Variants in PHF21B observed in about 807,000 individuals in gnomAD.
PHF21B encodes PHD finger protein 21B.
Under a neutral mutation model 62.2 loss-of-function variants are expected in PHF21B, and 22 were observed. That is an observed-to-expected ratio of 0.35 (90% CI 0.25 to 0.51). PHF21B has a LOEUF of 0.51. Ranked by LOEUF, PHF21B falls within the 20% of genes least tolerant of loss-of-function variation. The probability of loss-of-function intolerance (pLI) is 0.97; values close to 1 mark genes in which losing one functional copy is unlikely to be tolerated. For missense variants in PHF21B, 701 were observed against 707.9 expected, an observed-to-expected ratio of 0.99 and a Z score of 0.11; for synonymous variants, 341 against 314.7, an observed-to-expected ratio of 1.08 and a Z score of -0.88.
intron 6 of PHF21B, 112 bp from the exon 7 acceptor site, chr22:44,893,645 G>A: frequency 9.6e-7 from 1 of 1,043,780 alleles, no homozygotes. Context: ...AAGCCTCTCT[G>A]TGTGCTCAGC....
intron 2 of PHF21B, among the ~76,000 whole-genome samples, chr22:44,977,016 A>T (rs528017941): frequency 6.6e-6 from 1 of 152,216 alleles, no homozygotes; most frequent in Admixed American, 6.5e-5. Context: ...AGTCCCTGCT[A>T]TTAATACTAG....
At chr22:44,958,273 T>TCC (rs2072342939) in intron 2 of PHF21B, among the ~76,000 whole-genome samples, 1 of 152,094 alleles carries the variant, frequency 6.6e-6, no homozygotes, top group Non-Finnish European at 1.5e-5. Flanking sequence ...TCCCTGACTC[T>TCC]CTCCCTACAC....
chr22:44,953,999 G>A (rs896061360), intron 2 of PHF21B, among the ~76,000 whole-genome samples: 5 of 152,096 alleles, frequency 3.3e-5, no homozygotes, highest in East Asian at 1.9e-4. Context: ...CCACCCCACC[G>A]GGCTCTTCCT....
At chr22:44,978,073 A>G (rs1424662782) in intron 2 of PHF21B, among the ~76,000 whole-genome samples, 1 of 152,098 alleles carries the variant, frequency 6.6e-6, no homozygotes, top group African/African-American at 2.4e-5. Context: ...TGGTGGCCAC[A>G]TTCTGTTGTA....
At position 44,945,724 on chromosome 22, in the gene PHF21B, G is replaced by A. The variant is rs558316249; in HGVS notation, c.121-25234C>T. 2.9e-4 allele frequency among the ~76,000 whole-genome samples: 10 copies of A among 34,228 alleles called. No individual in the cohort carries two copies. In the South Asian group the frequency reaches 6.1e-3, roughly 21 times the overall value. The allele number at this position is 34,228 out of a possible 152,430, so 22.5% of individuals were successfully genotyped here. ...AATACTGTTGGCAGAATTGGGGGGG[G>A]GGTGGTATAAAGCAGTCCTGCTTAC... On this transcript the variant is annotated intron_variant, in intron 2 of 12. Coordinates refer to ENST00000313237, the MANE Select transcript of PHF21B (RefSeq NM_138415.5).
chr22:44,959,994 A>T (rs1413279429), intron 2 of PHF21B, among the ~76,000 whole-genome samples: 1 of 152,188 alleles, frequency 6.6e-6, no homozygotes. Context: ...CACCCCAGAG[A>T]GCGGGCCCTC....
intron 4 of PHF21B, 113 bp from the exon 5 acceptor site, chr22:44,914,201 A>G (rs935126707): frequency 3.5e-6 from 2 of 570,518 alleles, no homozygotes; most frequent in Non-Finnish European, 3.1e-6. Context: ...GGGCCAGGCC[A>G]ACCTGGGAGG....
At chr22:44,917,166 CAGAGGGCAGCCGG>C (rs2071452597) in intron 3 of PHF21B, among the ~76,000 whole-genome samples, 2 of 152,332 alleles carry the variant, frequency 1.3e-5, no homozygotes, top group African/African-American at 2.4e-5. Context: ...TGAAGGTGTG[CAGAGGGCAGCCGG>C]GCAGCCACTG....
chr22:44,885,633 T>TC (rs1329633689), intron 11 of PHF21B, 104 bp from the exon 12 acceptor site: 11 of 1,207,026 alleles, frequency 9.1e-6, no homozygotes, highest in Non-Finnish European at 1.3e-5. Context: ...GCCTAGGACA[T>TC]CCCCCTGAAG....
At position 44,929,279 on chromosome 22, in the gene PHF21B, G is replaced by A. The variant is rs367558884; in HGVS notation, c.121-8789C>T. Among the ~76,000 whole-genome samples, 10 of 152,280 alleles carry A rather than the reference G, an allele frequency of 6.6e-5. No homozygotes were observed. In the East Asian group the frequency reaches 1.2e-3, roughly 18 times the overall value. ...GCCTTTATCACTGTCAGGAACGAAC[G>A]AGCTGGTTCCACGGGCCGCTGCTGC... On this transcript the variant is annotated intron_variant, in intron 2 of 12. Coordinates refer to ENST00000313237, the MANE Select transcript of PHF21B (RefSeq NM_138415.5).
chr22:44,928,310 T>C (rs2071673110), intron 2 of PHF21B, among the ~76,000 whole-genome samples: 1 of 152,178 alleles, frequency 6.6e-6, no homozygotes. Flanking sequence ...GACTGTCCCA[T>C]TGGTTACAAG....
intron 5 of PHF21B, among the ~76,000 whole-genome samples, chr22:44,909,089 C>A (rs1034952070): frequency 2.0e-5 from 3 of 152,196 alleles, no homozygotes; most frequent in Non-Finnish European, 4.4e-5. Context: ...TGAGCCACTG[C>A]GCCTGGCCTT....
chr22:44,966,716 C>A (rs2072533567), intron 2 of PHF21B, among the ~76,000 whole-genome samples: 1 of 152,190 alleles, frequency 6.6e-6, no homozygotes, highest in South Asian at 2.1e-4. Context: ...CCCGCAGTAA[C>A]CTCCAGCAAA....
chr22:45,008,181 C>G (rs2073360791), intron 2 of PHF21B: 1 of 193,658 alleles, frequency 5.2e-6, no homozygotes, highest in Non-Finnish European at 1.0e-5. Context: ...GTGTCCAGGC[C>G]CCCACGGCCG....
chr22:44,916,659 G>A (rs781513930), intron 3 of PHF21B, 29 bp from the exon 4 acceptor site: 2 of 1,589,814 alleles, frequency 1.3e-6, no homozygotes, highest in East Asian at 2.2e-5. Context: ...TATGTGGTCA[G>A]ACAGGCAGAC....
rs553889319 is a variant in PHF21B, at chr22:45,009,598, G to A, written c.-49C>T. 2 of 1,512,040 alleles carry A rather than the reference G, an allele frequency of 1.3e-6. No individual in the cohort carries two copies. The highest frequency in any genetic ancestry group is 1.8e-6 in the Non-Finnish European group (2 of 1,141,910). 93.7% of individuals were successfully genotyped at this position (1,512,040 alleles called of 1,614,324 possible). ...GCGCTCACTTTGGCCCGGGCTCCCG[G>A]GAAGTTGCGCGGCTCCGCGGGGGCC... is the stretch of plus-strand genomic sequence containing the variant. On this transcript the variant is annotated 5_prime_UTR_variant, in exon 1 of 13. Coordinates refer to ENST00000313237, the MANE Select transcript of PHF21B (RefSeq NM_138415.5). This position sits in a 1 kb window ranked among gnomAD's most constrained non-coding sequence, Gnocchi z 5.9.
chr22:44,892,683 T>C (rs1246535569), intron 7 of PHF21B, among the ~76,000 whole-genome samples: 1 of 152,220 alleles, frequency 6.6e-6, no homozygotes, highest in African/African-American at 2.4e-5. Flanking sequence ...AGAAAGACTC[T>C]AAGACACTGC....
intron 2 of PHF21B, among the ~76,000 whole-genome samples, chr22:44,962,638 C>T (rs1334972719): frequency 1.3e-5 from 2 of 152,226 alleles, no homozygotes; most frequent in African/African-American, 4.8e-5. Flanking sequence ...GTACACCACA[C>T]ATCCTACTGG....
intron 2 of PHF21B, among the ~76,000 whole-genome samples, chr22:44,963,780 G>A (rs770110494): frequency 1.1e-4 from 17 of 152,210 alleles, no homozygotes; most frequent in Non-Finnish European, 2.2e-4. Flanking sequence ...ACCAAAGTTC[G>A]GAGAAGCAGG....
Sources: allele counts gnomAD v4.1 joint callset (sites outside exome capture counted in the v4.1 genomes callset), GRCh38; gene constraint gnomAD v4.1.1; non-coding constraint Gnocchi (gnomAD v3.1); transcripts MANE v1.5; gene names NCBI Gene and HGNC (gene_info 2026-07-23, HGNC 2026-07-21).